The following SLC8A1 variants were observed in gnomAD, a reference collection of about 807,000 sequenced individuals.
The protein encoded by SLC8A1 is sodium/calcium exchanger 1.
Under a neutral mutation model 68.3 loss-of-function variants are expected in SLC8A1, and 18 were observed. The observed-to-expected ratio is 0.26, with a 90% CI of 0.18 to 0.39. SLC8A1 has a LOEUF of 0.39. Among genes scored for constraint, SLC8A1 ranks in the 10% least tolerant of loss-of-function variants. The pLI is 1.00. For synonymous variants in SLC8A1, 475 were observed against 415.5 expected (o/e 1.14, Z -1.74); for missense variants, 985 against 1,156.7 (o/e 0.85, Z 2.15).
chr2:40,110,203 G>A (rs1042714961), exon 8 of SLC8A1: 2 of 152,088 alleles, frequency 1.3e-5, no homozygotes, highest in African/African-American at 4.8e-5. Context: ...AGATAAGACA[G>A]TCTCTGCTTT....
At chr2:40,400,410 T>C (rs1688362354) in intron 2 of SLC8A1, among the ~76,000 whole-genome samples, 1 of 152,238 alleles carries the variant, frequency 6.6e-6, no homozygotes, top group Admixed American at 6.5e-5. Flanking sequence ...CTGGGCTATC[T>C]GAGAATTCAC....
intron 2 of SLC8A1, among the ~76,000 whole-genome samples, chr2:40,337,607 T>C (rs953108586): frequency 6.6e-6 from 1 of 152,188 alleles, no homozygotes; most frequent in Admixed American, 6.5e-5. Context: ...ATTTTCTGTT[T>C]TGCTTTTCTC....
At chr2:40,183,736 G>A (rs533591763) in intron 2 of SLC8A1, among the ~76,000 whole-genome samples, 4 of 152,278 alleles carry the variant, frequency 2.6e-5, no homozygotes, top group African/African-American at 9.6e-5. Context: ...GTAGTAGTTG[G>A]GCTTGTGTTT....
chr2:40,282,254 A>G (rs1363052441), intron 2 of SLC8A1, among the ~76,000 whole-genome samples: 1 of 152,202 alleles, frequency 6.6e-6, no homozygotes, highest in East Asian at 1.9e-4. Flanking sequence ...CTGGATTAGT[A>G]ATAAGGAGTA....
chr2:40,404,386 C>T (rs979414010), intron 2 of SLC8A1, among the ~76,000 whole-genome samples: 1 of 152,136 alleles, frequency 6.6e-6, no homozygotes, highest in Non-Finnish European at 1.5e-5. Context: ...TGTAATGCAA[C>T]AATTTTGCTG....
chr2:40,112,633 G>A (rs2034681482), exon 8 of SLC8A1: 2 of 148,204 alleles, frequency 1.3e-5, no homozygotes, highest in African/African-American at 2.5e-5. Context: ...GGTGCTTCTA[G>A]GCTAGCTTTC....
At chr2:40,107,773 T>A in exon 8 of SLC8A1, 1 of 152,178 alleles carries the variant, frequency 6.6e-6, no homozygotes, top group East Asian at 1.9e-4. Flanking sequence ...CTTTTACATG[T>A]GTGTCTCTGG....
intron 2 of SLC8A1, among the ~76,000 whole-genome samples, chr2:40,392,177 GAAGA>G (rs1559499815): frequency 7.0e-6 from 1 of 142,092 alleles, no homozygotes; most frequent in African/African-American, 2.6e-5. Flanking sequence ...AGGAAGAGAG[GAAGA>G]AAGAAAAGAA....
chr2:40,188,757 A>C (rs1025721701), intron 2 of SLC8A1, among the ~76,000 whole-genome samples: 2 of 152,152 alleles, frequency 1.3e-5, no homozygotes, highest in African/African-American at 4.8e-5. Flanking sequence ...TTAAGTCTTA[A>C]AATTCATATT....
At chr2:40,302,022 C>T (rs907884589) in intron 2 of SLC8A1, among the ~76,000 whole-genome samples, 8 of 123,536 alleles carry the variant, frequency 6.5e-5, no homozygotes, top group South Asian at 5.3e-4. Flanking sequence ...GCCACCACAC[C>T]GGGCTAATCT....
intron 2 of SLC8A1, among the ~76,000 whole-genome samples, chr2:40,234,861 G>C (rs972522750): frequency 1.4e-4 from 22 of 152,146 alleles, no homozygotes; most frequent in African/African-American, 5.1e-4. Context: ...AGATAATCAT[G>C]TGGTTTTTGT....
At position 40,401,867 on chromosome 2, in the gene SLC8A1, G is replaced by A. The variant is rs983045409; in HGVS notation, c.1808+26606C>T. Among the ~76,000 whole-genome samples, 3 of 152,140 alleles carry A rather than the reference G, an allele frequency of 2.0e-5. 1 individual carries two copies. Among genetic ancestry groups the A allele is most frequent in the South Asian group, 4.1e-4 (2 of 4,834 alleles). On this transcript the variant is annotated intron_variant, in intron 2 of 7. Transcript: ENST00000406785. Reference sequence around the variant, plus strand: ...TCTTTCTTGACTTTATGGGTCATGTGTCTAAGTACAGAAGTTAGTACACAT... The same window carrying A: ...TCTTTCTTGACTTTATGGGTCATGTATCTAAGTACAGAAGTTAGTACACAT...
At chr2:40,354,511 G>A (rs1672090258) in intron 2 of SLC8A1, among the ~76,000 whole-genome samples, 1 of 152,110 alleles carries the variant, frequency 6.6e-6, no homozygotes, top group South Asian at 2.1e-4. Context: ...GGACCTAGAA[G>A]GCATCATAAT....
intron 2 of SLC8A1, among the ~76,000 whole-genome samples, chr2:40,353,227 CA>C (rs1420708005): frequency 2.6e-5 from 4 of 152,156 alleles, no homozygotes; most frequent in Non-Finnish European, 4.4e-5. Flanking sequence ...TTTTGTTCCT[CA>C]AATATGTGCT....
chr2:40,296,239 C>T (rs1381499167), intron 2 of SLC8A1, among the ~76,000 whole-genome samples: 1 of 152,088 alleles, frequency 6.6e-6, no homozygotes, highest in African/African-American at 2.4e-5. Context: ...GAAAGTGCTT[C>T]GGTTACTTTT....
chr2:40,228,340 G>T (rs1227674811), intron 2 of SLC8A1, among the ~76,000 whole-genome samples: 1 of 152,174 alleles, frequency 6.6e-6, no homozygotes, highest in Non-Finnish European at 1.5e-5. Context: ...TATACTTAAA[G>T]CAGTATAGAT....
At chr2:40,164,451 C>T (rs2046214474) in intron 5 of SLC8A1, among the ~76,000 whole-genome samples, 1 of 152,152 alleles carries the variant, frequency 6.6e-6, no homozygotes, top group Admixed American at 6.5e-5. Context: ...AAACAAAAGC[C>T]TCCTAATTTT....
At chr2:40,161,763 A>C (rs1469792206) in intron 5 of SLC8A1, among the ~76,000 whole-genome samples, 1 of 152,198 alleles carries the variant, frequency 6.6e-6, no homozygotes, top group Admixed American at 6.5e-5. Context: ...GCTCATCCCA[A>C]GAAACTACCA....
At chr2:40,438,357 G>A (rs1213467010) in intron 1 of SLC8A1, among the ~76,000 whole-genome samples, 1 of 152,066 alleles carries the variant, frequency 6.6e-6, no homozygotes, top group Non-Finnish European at 1.5e-5. Flanking sequence ...CCCAATAGCT[G>A]GTTGACATTT....
Sources: allele counts gnomAD v4.1 joint callset (sites outside exome capture counted in the v4.1 genomes callset), GRCh38; gene constraint gnomAD v4.1.1; transcripts MANE v1.5; gene names NCBI Gene and HGNC (gene_info 2026-07-23, HGNC 2026-07-21).